The following OR1D2 variants were observed in gnomAD, a reference collection of about 807,000 sequenced individuals.
The protein encoded by OR1D2 is olfactory receptor 1D2.
For synonymous variants in OR1D2, 157 were observed against 153.9 expected (o/e 1.02, Z -0.15); for missense variants, 357 against 376.1 (o/e 0.95, Z 0.42).
intron 1 of OR1D2, among the ~76,000 whole-genome samples, chr17:3,098,260 T>C (rs2047856595): frequency 6.6e-6 from 1 of 151,868 alleles, no homozygotes; most frequent in South Asian, 2.1e-4. Context: ...TATACAGGAG[T>C]GAACCTACTC....
At chr17:3,098,841 T>A (rs1177411859) in intron 1 of OR1D2, among the ~76,000 whole-genome samples, 1 of 152,118 alleles carries the variant, frequency 6.6e-6, no homozygotes, top group Non-Finnish European at 1.5e-5. Context: ...ATAAATGACC[T>A]GATGGAGCTG....
chr17:3,092,466 G>A lies in OR1D2; in HGVS notation c.531C>T (p.Ile177=), dbSNP rs1195190103. The A allele has an allele frequency of 8.1e-6, 13 of 1,614,088 alleles. No individual in the cohort carries two copies. Among genetic ancestry groups the A allele is most frequent in the Middle Eastern group, 1.6e-4 (1 of 6,082 alleles). ...TFCGSRKIHY[I]FCEMYVLLRM... ...TCAGCAATACATACATCTCACAGAA[G>A]ATGTAGTGGATTTTTCGTGACCCAC... Residue 177 remains isoleucine, a synonymous_variant, in exon 2 of 2, where the codon ATC becomes ATT. Transcript: ENST00000641833.
At chr17:3,094,757 C>T (rs1298285323) in intron 1 of OR1D2, among the ~76,000 whole-genome samples, 1 of 151,832 alleles carries the variant, frequency 6.6e-6, no homozygotes, top group African/African-American at 2.4e-5. Context: ...TAAGAGAAAG[C>T]ATGATTAGGG....
chr17:3,092,179 GCTA>G lies in OR1D2; in HGVS notation c.815_817del (p.Val272del), dbSNP rs1479195523. 1.2e-6 allele frequency: 2 copies of G among 1,614,136 alleles called. No individual in the cohort carries two copies. Among genetic ancestry groups the G allele is most frequent in the Non-Finnish European group, 1.7e-6 (2 of 1,179,998 alleles). On this transcript the variant is annotated inframe_deletion, in exon 2 of 2. Transcript: ENST00000641833. ...TGTCACCACAGCATACATCACTGTG[GCTA>G]CTGAGTCCTTCACAGAGTAGGTATG...
Position 3,092,095 on chromosome 17 carries a change from C to T in OR1D2, c.902G>A (p.Gly301Glu), listed in dbSNP as rs1442836242. 3 of 1,613,464 alleles carry T rather than the reference C, an allele frequency of 1.9e-6. No individual in the cohort carries two copies. Among genetic ancestry groups the T allele is most frequent in the Admixed American group, 1.7e-5 (1 of 59,946 alleles). Residue 301 changes from glycine to glutamate, a missense_variant, in exon 2 of 2, where the codon GGA (glycine) becomes GAA (glutamate). Physicochemically the swap from Gly to Glu is moderately conservative, Grantham distance 98. Coordinates refer to ENST00000641833, the MANE Select transcript of OR1D2 (RefSeq NM_002548.3). ...LRNKDMHGAL[G>E]RLLDKHFKRL... is the part of the protein sequence containing the mutation. ...CTTAAAGTGTTTATCTAGGAGTCTTCCCAGAGCCCCATGCATGTCCTTGTT... is the reference window on the plus strand; with the variant it reads ...CTTAAAGTGTTTATCTAGGAGTCTTTCCAGAGCCCCATGCATGTCCTTGTT...
At position 3,092,300 on chromosome 17, in the gene OR1D2, T is replaced by G; in HGVS notation, c.697A>C (p.Lys233Gln). The G allele has an allele frequency of 1.2e-6, 2 of 1,614,198 alleles. No individual in the cohort carries two copies. Among genetic ancestry groups the G allele is most frequent in the South Asian group, 2.2e-5 (2 of 91,086 alleles). ...RAILRIPSVS[K>Q]KYKAFSTCAS... ...CAGGTGGAGAAGGCTTTGTATTTCT[T>G]AGAGACTGAGGGTATTCTGAGGATG... is the stretch of plus-strand genomic sequence containing the variant. The change falls in exon 2 of 2, where the codon AAG becomes CAG. Residue 233 changes from lysine (K) to glutamine (Q), a missense_variant. Lys to Gln is a moderately conservative substitution (Grantham distance 53, BLOSUM62 1). Coordinates refer to ENST00000641833, the MANE Select transcript of OR1D2 (RefSeq NM_002548.3).
intron 1 of OR1D2, among the ~76,000 whole-genome samples, chr17:3,097,042 C>A (rs576330108): frequency 6.6e-5 from 10 of 152,134 alleles, no homozygotes; most frequent in Non-Finnish European, 1.3e-4. Context: ...ATAAAATTAG[C>A]AATGAATAGC....
rs2047804808 is a variant in OR1D2, at chr17:3,091,129, C to T, written c.*929G>A. The T allele has an allele frequency of 6.6e-6, 1 of 152,100 alleles. No individual in the cohort carries two copies. Among genetic ancestry groups the T allele is most frequent in the African/African-American group, 2.4e-5 (1 of 41,412 alleles). The allele number at this position is 152,100 out of a possible 1,614,324, so 9.4% of individuals were successfully genotyped here. A position where few individuals can be genotyped will look rare whatever the true frequency, so the allele number is the denominator to read the frequency against. ...ACTACCAGGGTGCTATAAACTTTCA[C>T]TTGGATTCTGGAGCTCTCACAAAGG... On this transcript the variant is annotated 3_prime_UTR_variant, in exon 2 of 2. Transcript: ENST00000641833.
In OR1D2 at chr17:3,090,272, T is replaced by C. The variant is rs942249217; in HGVS notation, c.*1786A>G. ...TTTGAGTTTTTTAAAGTTTAGTCAT[T>C]GTATTATTTAGCTCCAGAATTACTG... On this transcript the variant is annotated 3_prime_UTR_variant, in exon 2 of 2. Coordinates refer to ENST00000641833, the MANE Select transcript of OR1D2 (RefSeq NM_002548.3). 2.6e-5 allele frequency: 4 copies of C among 152,198 alleles called. No individual in the cohort carries two copies. The highest frequency in any genetic ancestry group is 5.9e-5 in the Non-Finnish European group (4 of 68,036). 9.4% of individuals were successfully genotyped at this position (152,198 alleles called of 1,614,324 possible).
intron 1 of OR1D2, among the ~76,000 whole-genome samples, chr17:3,102,810 A>C (rs1463200528): frequency 6.6e-6 from 1 of 151,832 alleles, no homozygotes; most frequent in East Asian, 1.9e-4. Context: ...TGGCAAAGGG[A>C]CTCCTATTCT....
At chr17:3,095,693 A>C (rs2047841133) in intron 1 of OR1D2, among the ~76,000 whole-genome samples, 1 of 151,986 alleles carries the variant, frequency 6.6e-6, no homozygotes, top group South Asian at 2.1e-4. Context: ...TAAGTATGAC[A>C]GTATAAATTC....
chr17:3,096,589 C>T (rs537562223), intron 1 of OR1D2, among the ~76,000 whole-genome samples: 1 of 152,256 alleles, frequency 6.6e-6, no homozygotes, highest in East Asian at 1.9e-4. Flanking sequence ...ATAGCAAGAC[C>T]CCATCTCTTA....
chr17:3,100,590 A>G (rs1249189439), intron 1 of OR1D2, among the ~76,000 whole-genome samples: 1 of 152,204 alleles, frequency 6.6e-6, no homozygotes, highest in African/African-American at 2.4e-5. Context: ...TCTCAAATCA[A>G]CACCCTAACA....
rs755509617 is a variant in OR1D2, at chr17:3,092,694, G to C, written c.303C>G (p.Leu101=). 9 of 1,614,106 alleles carry C rather than the reference G, an allele frequency of 5.6e-6. No individual in the cohort carries two copies. In the Middle Eastern group the frequency reaches 5.0e-4, roughly 89 times the overall value. The change falls in exon 2 of 2, where the codon CTC becomes CTG. Residue 101 remains leucine (L), a synonymous_variant. Transcript: ENST00000641833. Reference sequence around the variant, plus strand: ...GGGCCACCAAGGAGACCAGGAAGTAGAGCTGTGTCAGACACCCTGCATAGG... The same window carrying C: ...GGGCCACCAAGGAGACCAGGAAGTACAGCTGTGTCAGACACCCTGCATAGG... ...AISYAGCLTQ[L]YFLVSLVALD...
chr17:3,094,245 G>T (rs553600412), intron 1 of OR1D2, among the ~76,000 whole-genome samples: 5 of 151,996 alleles, frequency 3.3e-5, no homozygotes, highest in Admixed American at 6.5e-5. Flanking sequence ...AATTAATTTC[G>T]GAGGACTAGT....
intron 1 of OR1D2, among the ~76,000 whole-genome samples, chr17:3,101,413 GA>G (rs57754544): frequency 0.067 from 10,168 of 152,128 alleles, 444 homozygotes; most frequent in Admixed American, 0.16. Context: ...GAAAACCAAA[GA>G]CAACAACCAT....
chr17:3,092,027 T>C lies in OR1D2; in HGVS notation c.*31A>G, dbSNP rs2047812451. 3 of 1,507,362 alleles carry C rather than the reference T, an allele frequency of 2.0e-6. No homozygotes were observed. The highest frequency in any genetic ancestry group is 1.4e-5 in the African/African-American group (1 of 72,598). 93.4% of individuals were successfully genotyped at this position (1,507,362 alleles called of 1,614,324 possible). ...CATAGGGTGAAGGATATTCCTAGTC[T>C]CCACTTTAATGCTGTCTTTCCAAAT... On this transcript the variant is annotated 3_prime_UTR_variant, in exon 2 of 2. Transcript: ENST00000641833.
chr17:3,093,546 T>A (rs889807280), intron 1 of OR1D2, among the ~76,000 whole-genome samples: 4 of 152,172 alleles, frequency 2.6e-5, no homozygotes, highest in African/African-American at 9.7e-5. Context: ...CAGGTAGGGT[T>A]CCAGAGTTCC....
Position 3,088,567 on chromosome 17 carries a change from G to T in OR1D2, c.*3491C>A. 6.5e-6 allele frequency: 1 copy of T among 154,710 alleles called. No individual in the cohort carries two copies. 9.6% of individuals were successfully genotyped at this position (154,710 alleles called of 1,614,324 possible). On this transcript the variant is annotated 3_prime_UTR_variant, in exon 2 of 2. Transcript: ENST00000641833. ...AGTGAGCAATTCCTGTCCCTTTTAAGGGCTCACAACTCTAAGGGGGTCTGC... is the reference window on the plus strand; with the variant it reads ...AGTGAGCAATTCCTGTCCCTTTTAATGGCTCACAACTCTAAGGGGGTCTGC...
Sources: allele counts gnomAD v4.1 joint callset (sites outside exome capture counted in the v4.1 genomes callset), GRCh38; gene constraint gnomAD v4.1.1; transcripts MANE v1.5; gene names NCBI Gene and HGNC (gene_info 2026-07-23, HGNC 2026-07-21).